SYT1: variants seen among roughly 807,000 people sequenced by gnomAD.
SYT1 encodes the protein synaptotagmin-1.
A neutral mutation model predicts 44.8 loss-of-function variants in SYT1; 8 were observed. The ratio of observed to expected loss-of-function variants is 0.18; its 90% confidence interval spans 0.10 to 0.32. The LOEUF (loss-of-function observed/expected upper bound fraction) is 0.32. SYT1 is among the 10% of genes least tolerant of loss of function. The probability of loss-of-function intolerance (pLI) is 1.00; values close to 1 mark genes in which losing one functional copy is unlikely to be tolerated. For synonymous variants in SYT1, 154 were observed against 188.8 expected, an observed-to-expected ratio of 0.82 and a Z score of 1.51; for missense variants, 286 against 509.3, an observed-to-expected ratio of 0.56 and a Z score of 4.22.
intron 1 of SYT1, among the ~76,000 whole-genome samples, chr12:78,887,302 G>C (rs764446677): frequency 6.6e-6 from 1 of 151,896 alleles, no homozygotes. Flanking sequence ...ACTGACTATC[G>C]GTATTACAGT....
chr12:79,009,567 A>T (rs1244280330), intron 2 of SYT1, among the ~76,000 whole-genome samples: 3 of 152,192 alleles, frequency 2.0e-5, no homozygotes, highest in Non-Finnish European at 4.4e-5. Context: ...AATCAATGGA[A>T]ATACCCTATG....
Position 79,160,438 on chromosome 12 carries a change from A to G in SYT1, c.-17-57065A>G, listed in dbSNP as rs754961027. ...CACTTACAAAATAAAAAGTCTGGCTAAGAAGTTATGTTCACGTGAACTAAG... is the reference window on the plus strand; with the variant it reads ...CACTTACAAAATAAAAAGTCTGGCTGAGAAGTTATGTTCACGTGAACTAAG... On this transcript the variant is annotated intron_variant, in intron 3 of 10. Transcript: ENST00000261205. 4.2e-4 allele frequency among the ~76,000 whole-genome samples: 64 copies of G among 152,152 alleles called. 1 individual carries two copies. The highest frequency in any genetic ancestry group is 2.1e-4 in the South Asian group (1 of 4,830).
chr12:78,959,465 C>T lies in SYT1; in HGVS notation c.-216-18334C>T, dbSNP rs1879389104. ...ACATAAAAATACTGATTTTATTTTGCTTCAAATTTGTTCTTTAATTTTTTT... is the reference window on the plus strand; with the variant it reads ...ACATAAAAATACTGATTTTATTTTGTTTCAAATTTGTTCTTTAATTTTTTT... On this transcript the variant is annotated intron_variant, in intron 1 of 10. Coordinates refer to ENST00000261205, the MANE Select transcript of SYT1 (RefSeq NM_005639.3). 1.3e-5 allele frequency among the ~76,000 whole-genome samples: 2 copies of T among 151,972 alleles called. 1 individual carries two copies. The highest frequency in any genetic ancestry group is 4.1e-4 in the South Asian group (2 of 4,830).
At chr12:78,964,443 A>G (rs192375377) in intron 1 of SYT1, among the ~76,000 whole-genome samples, 46 of 152,318 alleles carry the variant, frequency 3.0e-4, no homozygotes, top group African/African-American at 1.1e-3. Flanking sequence ...GGGTTACTGC[A>G]TTAAGCAGGG....
intron 1 of SYT1, among the ~76,000 whole-genome samples, chr12:78,967,285 A>G (rs1868271839): frequency 6.6e-6 from 1 of 152,194 alleles, no homozygotes; most frequent in Admixed American, 6.5e-5. Context: ...GTCCTTTAAT[A>G]GCAATATAAA....
rs542128942 is a variant in SYT1, at chr12:79,139,892, C to T, written c.-17-77611C>T. Among the ~76,000 whole-genome samples the T allele has an allele frequency of 2.6e-5, 4 of 152,296 alleles. No individual in the cohort carries two copies. The South Asian group carries it at 6.2e-4, about 24-fold the overall frequency. On this transcript the variant is annotated intron_variant, in intron 3 of 10. Transcript: ENST00000261205. ...TTACCAAATTGTGCACAAAATATAT[C>T]GCAGCTGGTGCTGCCACGTATGCAG...
intron 3 of SYT1, among the ~76,000 whole-genome samples, chr12:79,189,313 A>G (rs1443089572): frequency 6.6e-6 from 1 of 152,184 alleles, no homozygotes; most frequent in African/African-American, 2.4e-5. Context: ...TTACTGTAAC[A>G]TGGAGATCAT....
intron 3 of SYT1, among the ~76,000 whole-genome samples, chr12:79,197,485 G>A (rs554938946): frequency 2.0e-4 from 31 of 152,112 alleles, no homozygotes; most frequent in Non-Finnish European, 2.9e-4. Context: ...CTCCTCCTCC[G>A]GGTAAGAAAG....
chr12:79,183,318 A>C (rs1021748131), intron 3 of SYT1, among the ~76,000 whole-genome samples: 1 of 151,970 alleles, frequency 6.6e-6, no homozygotes, highest in African/African-American at 2.4e-5. Context: ...CGCAGACAGG[A>C]AGATATTTGT....
intron 1 of SYT1, among the ~76,000 whole-genome samples, chr12:78,961,022 G>A (rs772749219): frequency 6.6e-6 from 1 of 152,040 alleles, no homozygotes; most frequent in Non-Finnish European, 1.5e-5. Flanking sequence ...CCTTTCTGAA[G>A]TAGTTTATTT....
intron 9 of SYT1, among the ~76,000 whole-genome samples, chr12:79,437,347 A>G (rs1870149204): frequency 6.6e-6 from 1 of 152,220 alleles, no homozygotes; most frequent in African/African-American, 2.4e-5. Context: ...TGGGTTAGAA[A>G]GAGAGAAATC....
chr12:79,211,161 C>A (rs1874422408), intron 3 of SYT1, among the ~76,000 whole-genome samples: 1 of 152,058 alleles, frequency 6.6e-6, no homozygotes, highest in African/African-American at 2.4e-5. Flanking sequence ...CAAAAGATTT[C>A]TTAAAGAAAA....
intron 10 of SYT1, among the ~76,000 whole-genome samples, chr12:79,446,024 TATATATA>T: frequency 7.5e-6 from 1 of 134,048 alleles, no homozygotes; most frequent in African/African-American, 2.7e-5. Context: ...TATATATATA[TATATATA>T]TATTATGCCT....
chr12:78,943,653 C>T (rs1314178894), intron 1 of SYT1, among the ~76,000 whole-genome samples: 1 of 152,138 alleles, frequency 6.6e-6, no homozygotes, highest in African/African-American at 2.4e-5. Flanking sequence ...CAGGCCACAG[C>T]TTTAGCCTAT....
At chr12:79,046,789 T>C (rs998944639) in intron 2 of SYT1, among the ~76,000 whole-genome samples, 2 of 151,972 alleles carry the variant, frequency 1.3e-5, no homozygotes, top group Non-Finnish European at 2.9e-5. Context: ...TATCTAGATA[T>C]TGATTAGCTT....
At chr12:79,021,712 A>C (rs1872206975) in intron 2 of SYT1, among the ~76,000 whole-genome samples, 1 of 151,880 alleles carries the variant, frequency 6.6e-6, no homozygotes. Context: ...AAAGCTAGCT[A>C]GTATTGGAAG....
rs1041024120 is a variant in SYT1, at chr12:79,390,697, C to T, written c.928+37078C>T. ...ATTTTGTCTAGCTCAATATTCAATT[C>T]ACATTATTGGGATTATGTGGAAACT... On this transcript the variant is annotated intron_variant, in intron 9 of 10. Coordinates refer to ENST00000261205, the MANE Select transcript of SYT1 (RefSeq NM_005639.3). 7.2e-5 allele frequency among the ~76,000 whole-genome samples: 11 copies of T among 152,152 alleles called. No homozygotes were observed. The South Asian group carries it at 1.2e-3, about 17-fold the overall frequency.
intron 4 of SYT1, among the ~76,000 whole-genome samples, chr12:79,263,621 TATA>T (rs1877958315): frequency 1.3e-5 from 2 of 152,254 alleles, no homozygotes; most frequent in Admixed American, 6.5e-5. Flanking sequence ...TTAAAAACAT[TATA>T]ATATTTGTAT....
At chr12:79,360,684 T>C (rs977021489) in intron 9 of SYT1, among the ~76,000 whole-genome samples, 5 of 152,362 alleles carry the variant, frequency 3.3e-5, no homozygotes, top group Admixed American at 2.0e-4. Flanking sequence ...AATTTGGCTG[T>C]GATGTCAGAA....
Sources: allele counts gnomAD v4.1 joint callset (sites outside exome capture counted in the v4.1 genomes callset), GRCh38; gene constraint gnomAD v4.1.1; transcripts MANE v1.5; gene names NCBI Gene and HGNC (gene_info 2026-07-23, HGNC 2026-07-21).